Variants in SPATA17 observed in about 807,000 individuals in gnomAD.
The protein encoded by SPATA17 is spermatogenesis associated 17.
In SPATA17, 53 loss-of-function variants were observed where a neutral mutation model predicts 62.2. The observed-to-expected ratio is 0.85, with a 90% CI of 0.68 to 1.07. SPATA17 has a LOEUF of 1.07. Ranked by LOEUF, SPATA17 falls within the 50% of genes least tolerant of loss-of-function variation. The pLI, the probability that SPATA17 is intolerant of heterozygous loss-of-function variation, is 0.00. For missense variants in SPATA17, 466 were observed against 425.5 expected (o/e 1.10, Z -0.84); for synonymous variants, 146 against 146.8 (o/e 0.99, Z 0.04).
chr1:217,743,519 T>A (rs926136537), intron 6 of SPATA17, among the ~76,000 whole-genome samples: 2 of 152,180 alleles, frequency 1.3e-5, no homozygotes, highest in East Asian at 1.9e-4. Context: ...ACTCTGAATC[T>A]TTCTTAATAT....
rs1361192067 is a variant in SPATA17, at chr1:217,867,259, C to A, written c.*240C>A. 2.6e-5 allele frequency: 4 copies of A among 152,160 alleles called. No homozygotes were observed. The highest frequency in any genetic ancestry group is 9.7e-5 in the African/African-American group (4 of 41,438). 9.4% of individuals were successfully genotyped at this position (152,160 alleles called of 1,614,324 possible). A position where few individuals can be genotyped will look rare whatever the true frequency, so the allele number is the denominator to read the frequency against. On this transcript the variant is annotated 3_prime_UTR_variant, in exon 11 of 11. Coordinates refer to ENST00000366933, the MANE Select transcript of SPATA17 (RefSeq NM_138796.4). The stretch of plus-strand genomic sequence containing the variant: ...CCTCTGAGAATGTCTGTCACAATCA[C>A]AGCCCCTGGTGACCAACAGTGCCAT...
intron 5 of SPATA17, among the ~76,000 whole-genome samples, chr1:217,732,084 T>TCTCTCTCTCTCTCTC (rs1672414172): frequency 6.7e-6 from 1 of 148,744 alleles, no homozygotes; most frequent in South Asian, 2.1e-4. Context: ...TTACTCCAGT[T>TCTCTCTCTCTCTCTC]TCTCTCTCTC....
At position 217,837,588 on chromosome 1, in the gene SPATA17, C is replaced by A. The variant is rs527501856; in HGVS notation, c.1006-25186C>A. Among the ~76,000 whole-genome samples, 12 of 152,054 alleles carry A rather than the reference C, an allele frequency of 7.9e-5. No individual in the cohort carries two copies. In the South Asian group the frequency reaches 2.1e-3, roughly 26 times the overall value. The stretch of plus-strand genomic sequence containing the variant: ...AAGGAAAATGGTCTTTTTTGTTTAA[C>A]CATTACAGCTTTGCTCTGGGAATTG... On this transcript the variant is annotated intron_variant, in intron 9 of 10. Transcript: ENST00000366933.
chr1:217,814,623 G>A (rs753273968), intron 9 of SPATA17, among the ~76,000 whole-genome samples: 1 of 152,048 alleles, frequency 6.6e-6, no homozygotes, highest in Non-Finnish European at 1.5e-5. Context: ...TGAGGCAGGA[G>A]GATGTCTTAA....
chr1:217,668,808 T>C (rs1670766625), intron 3 of SPATA17, among the ~76,000 whole-genome samples: 4 of 152,190 alleles, frequency 2.6e-5, no homozygotes, highest in South Asian at 2.1e-4. Context: ...TATGATCATA[T>C]ATCTCCATTA....
intron 8 of SPATA17, among the ~76,000 whole-genome samples, chr1:217,789,551 T>G (rs913735387): frequency 1.3e-5 from 2 of 151,016 alleles, no homozygotes; most frequent in Admixed American, 6.6e-5. Flanking sequence ...CAGGTAAGAG[T>G]TTTTAAAGGC....
At chr1:217,838,609 T>C (rs1357878580) in intron 9 of SPATA17, among the ~76,000 whole-genome samples, 1 of 152,104 alleles carries the variant, frequency 6.6e-6, no homozygotes, top group Admixed American at 6.6e-5. Flanking sequence ...ATATACTATC[T>C]ATTTTGGATT....
At chr1:217,653,103 C>T (rs1332762823) in intron 3 of SPATA17, among the ~76,000 whole-genome samples, 1 of 152,146 alleles carries the variant, frequency 6.6e-6, no homozygotes, top group Admixed American at 6.5e-5. Context: ...ACATTTCTCT[C>T]ACTTATGCAT....
chr1:217,715,422 C>T lies in SPATA17; in HGVS notation c.396-26553C>T, dbSNP rs973726697. ...ATATGAACATTATTCCAATTTTAAT[C>T]TTATATTAAAGAGTTCTTAGATTCA... On this transcript the variant is annotated intron_variant, in intron 5 of 10. Transcript: ENST00000366933. 3.3e-5 allele frequency among the ~76,000 whole-genome samples: 5 copies of T among 152,150 alleles called. No homozygotes were observed. In the South Asian group the frequency reaches 6.2e-4, roughly 19 times the overall value.
At chr1:217,849,944 T>C (rs1675609733) in intron 9 of SPATA17, among the ~76,000 whole-genome samples, 2 of 152,162 alleles carry the variant, frequency 1.3e-5, no homozygotes, top group African/African-American at 4.8e-5. Context: ...CAGGTCACTG[T>C]TCTTCATTCC....
At chr1:217,842,054 T>C (rs1328752974) in intron 9 of SPATA17, among the ~76,000 whole-genome samples, 4 of 152,002 alleles carry the variant, frequency 2.6e-5, no homozygotes, top group African/African-American at 4.8e-5. Flanking sequence ...TATTAAACTT[T>C]ATCAAATTCT....
chr1:217,793,800 A>T (rs575446806), intron 8 of SPATA17, among the ~76,000 whole-genome samples: 24 of 152,080 alleles, frequency 1.6e-4, no homozygotes, highest in Non-Finnish European at 1.2e-4. Flanking sequence ...GAACAGCTTG[A>T]TGCAAGTTCA....
At chr1:217,720,415 T>G (rs1672098813) in intron 5 of SPATA17, among the ~76,000 whole-genome samples, 1 of 152,226 alleles carries the variant, frequency 6.6e-6, no homozygotes, top group African/African-American at 2.4e-5. Flanking sequence ...GACTTCATTT[T>G]GAGCAATGAG....
At chr1:217,752,374 T>C (rs1672937189) in intron 6 of SPATA17, among the ~76,000 whole-genome samples, 1 of 152,202 alleles carries the variant, frequency 6.6e-6, no homozygotes, top group Non-Finnish European at 1.5e-5. Flanking sequence ...ACATTTCAAA[T>C]TTTAATGGCC....
intron 7 of SPATA17, among the ~76,000 whole-genome samples, chr1:217,776,211 AGTG>A (rs1296465597): frequency 6.6e-6 from 1 of 152,250 alleles, no homozygotes; most frequent in African/African-American, 2.4e-5. Flanking sequence ...TAAAGGGTAG[AGTG>A]GGGTGGGGTG....
intron 9 of SPATA17, among the ~76,000 whole-genome samples, chr1:217,856,514 A>T (rs1675788553): frequency 6.6e-6 from 1 of 152,146 alleles, no homozygotes; most frequent in South Asian, 2.1e-4. Context: ...CACCAGTGAG[A>T]CTCTGGCCAT....
At chr1:217,654,903 G>A (rs989361117) in intron 3 of SPATA17, among the ~76,000 whole-genome samples, 16 of 151,972 alleles carry the variant, frequency 1.1e-4, no homozygotes, top group South Asian at 4.2e-4. Context: ...AGTAGAGATG[G>A]GGTTTTGCCG....
chr1:217,802,012 A>AT (rs78524106), intron 9 of SPATA17, among the ~76,000 whole-genome samples, 162 bp downstream of exon 9: 16 of 149,088 alleles, frequency 1.1e-4, no homozygotes, highest in East Asian at 2.0e-4. Flanking sequence ...CCTATGTAAG[A>AT]TTTTTTTTTT....
At chr1:217,761,039 C>G (rs1336747372) in intron 6 of SPATA17, among the ~76,000 whole-genome samples, 1 of 152,102 alleles carries the variant, frequency 6.6e-6, no homozygotes, top group East Asian at 1.9e-4. Context: ...ATAGTGAAGT[C>G]TAGAAATCAC....
Sources: allele counts gnomAD v4.1 joint callset (sites outside exome capture counted in the v4.1 genomes callset), GRCh38; gene constraint gnomAD v4.1.1; transcripts MANE v1.5; gene names NCBI Gene and HGNC (gene_info 2026-07-23, HGNC 2026-07-21).